COL11A1: variants seen among roughly 807,000 people sequenced by gnomAD.
COL11A1 encodes the protein collagen alpha-1(XI) chain.
COL11A1 carries 74 observed loss-of-function variants against 265.2 expected under a neutral mutation model. The observed-to-expected ratio is 0.28, with a 90% CI of 0.23 to 0.34. The LOEUF is 0.34. Among genes scored for constraint, COL11A1 ranks in the 10% least tolerant of loss-of-function variants. COL11A1 has a pLI of 1.00. For missense variants in COL11A1, 2,165 were observed against 2,263.6 expected, an observed-to-expected ratio of 0.96 and a Z score of 0.88; for synonymous variants, 816 against 727.6, an observed-to-expected ratio of 1.12 and a Z score of -1.96.
chr1:102,940,983 TTC>T (rs1335872275), intron 42 of COL11A1, among the ~76,000 whole-genome samples: 2 of 152,184 alleles, frequency 1.3e-5, no homozygotes, highest in African/African-American at 2.4e-5. Flanking sequence ...TGAACTCAAC[TTC>T]TGTTTCCGAT....
intron 49 of COL11A1, among the ~76,000 whole-genome samples, chr1:102,916,807 T>G (rs1340036499): frequency 6.6e-6 from 1 of 151,428 alleles, no homozygotes; most frequent in African/African-American, 2.4e-5. Flanking sequence ...ACTTCCAGAA[T>G]TTTTGGATAA....
At chr1:103,018,032 G>A (rs1468872855) in intron 10 of COL11A1, 150 bp from the exon 11 acceptor site, 1 of 737,066 alleles carries the variant, frequency 1.4e-6, no homozygotes, top group Non-Finnish European at 2.3e-6. Context: ...CCTGTGAAAA[G>A]ACAACATATA....
At position 103,031,148 on chromosome 1, in the gene COL11A1, C is replaced by G; in HGVS notation, c.748G>C (p.Ala250Pro). ...ATCTGAGGTTCCTGAGCTTGAGCAG[C>G]CTTGGGTGCTGAAGAGTCACAGTCT... is the stretch of plus-strand genomic sequence containing the variant. ...SPDCDSSAPKAAQAQEPQIDE... is the reference protein window; with the variant it reads ...SPDCDSSAPKPAQAQEPQIDE... The change falls in exon 5 of 67, where the codon GCT (alanine) becomes CCT (proline). Residue 250 changes from alanine (A) to proline (P), a missense_variant. By Grantham distance (27) the Ala-to-Pro change is conservative. Coordinates refer to ENST00000370096, the MANE Select transcript of COL11A1 (RefSeq NM_001854.4). The G allele has an allele frequency of 6.2e-7, 1 of 1,613,102 alleles. No homozygotes were observed. The highest frequency in any genetic ancestry group is 1.7e-5 in the Admixed American group (1 of 59,928).
At chr1:102,970,965 G>A (rs1176045267) in intron 36 of COL11A1, among the ~76,000 whole-genome samples, 2 of 151,956 alleles carry the variant, frequency 1.3e-5, no homozygotes, top group African/African-American at 4.8e-5. Context: ...AGTGAGCTGA[G>A]ATGGCGCCAC....
intron 4 of COL11A1, among the ~76,000 whole-genome samples, chr1:103,059,186 A>G (rs1670468815): frequency 6.6e-6 from 1 of 152,180 alleles, no homozygotes; most frequent in African/African-American, 2.4e-5. Flanking sequence ...TTCAGTGTGA[A>G]AGAAAGGAAA....
chr1:103,093,314 G>A (rs1451984892), intron 1 of COL11A1, among the ~76,000 whole-genome samples: 3 of 152,058 alleles, frequency 2.0e-5, no homozygotes, highest in Non-Finnish European at 4.4e-5. Context: ...GATAACAGGA[G>A]AAGCACCTTT....
Position 102,914,804 on chromosome 1 carries a change from T to C in COL11A1, c.3824A>G (p.Lys1275Arg). 3 of 1,597,870 alleles carry C rather than the reference T, an allele frequency of 1.9e-6. No individual in the cohort carries two copies. Among genetic ancestry groups the C allele is most frequent in the African/African-American group, 1.4e-5 (1 of 72,738 alleles). The stretch of plus-strand genomic sequence containing the variant: ...TTCCCCTTTCTCTCCTCTTTCTCCT[T>C]TGGGACCCTAAACAATGTTAAAAAA... Reference protein sequence around the residue: ...PPGEAGVGGPKGERGEKGEAG... With the variant: ...PPGEAGVGGPRGERGEKGEAG... The change falls in exon 51 of 67, where the codon AAA (lysine) becomes AGA (arginine). Residue 1275 changes from lysine to arginine, a missense_variant. By Grantham distance (26) the Lys-to-Arg change is conservative. Coordinates refer to ENST00000370096, the MANE Select transcript of COL11A1 (RefSeq NM_001854.4).
At chr1:102,973,965 C>G (rs1662218048) in intron 36 of COL11A1, among the ~76,000 whole-genome samples, 1 of 152,172 alleles carries the variant, frequency 6.6e-6, no homozygotes, top group Non-Finnish European at 1.5e-5. Context: ...GAGGTTCACA[C>G]ACTTTAACAT....
At chr1:102,887,663 T>C (rs1651171077) in intron 62 of COL11A1, among the ~76,000 whole-genome samples, 1 of 152,128 alleles carries the variant, frequency 6.6e-6, no homozygotes, top group Admixed American at 6.6e-5. Flanking sequence ...CCACAAAAAT[T>C]TGTAATGTTG....
intron 54 of COL11A1, among the ~76,000 whole-genome samples, chr1:102,911,921 C>G (rs1361161755): frequency 6.6e-6 from 1 of 152,170 alleles, no homozygotes; most frequent in Admixed American, 6.5e-5. Context: ...GTTCTAAGCA[C>G]AGAGGAGTGG....
chr1:102,912,776 TAGTG>T (rs1485132938), intron 53 of COL11A1, among the ~76,000 whole-genome samples: 4 of 152,142 alleles, frequency 2.6e-5, no homozygotes, highest in Non-Finnish European at 4.4e-5. Flanking sequence ...GTTCTTGTGA[TAGTG>T]AGTGAGTTCT....
intron 38 of COL11A1, among the ~76,000 whole-genome samples, chr1:102,964,281 A>C (rs535969726): frequency 7.1e-4 from 108 of 152,320 alleles, no homozygotes; most frequent in Middle Eastern, 3.4e-3. Flanking sequence ...TTTCTAGTTA[A>C]ATTTTCTCAC....
chr1:103,094,118 T>C (rs373889954), intron 1 of COL11A1, among the ~76,000 whole-genome samples: 49 of 151,980 alleles, frequency 3.2e-4, no homozygotes, highest in African/African-American at 1.1e-3. Flanking sequence ...AGGAAAGAGA[T>C]TGTGGATATG....
intron 1 of COL11A1, among the ~76,000 whole-genome samples, chr1:103,097,272 C>A (rs1673853804): frequency 6.6e-6 from 1 of 151,902 alleles, no homozygotes; most frequent in Non-Finnish European, 1.5e-5. Flanking sequence ...TGTCCCCCGC[C>A]TTCTTCCCCA....
At chr1:103,030,359 G>T (rs1318627149) in intron 5 of COL11A1, among the ~76,000 whole-genome samples, 3 of 151,862 alleles carry the variant, frequency 2.0e-5, no homozygotes, top group Non-Finnish European at 4.4e-5. Context: ...TGAAAAATCC[G>T]ACCTGAATTC....
At chr1:102,904,700 G>A (rs1213631285) in intron 54 of COL11A1, among the ~76,000 whole-genome samples, 1 of 152,004 alleles carries the variant, frequency 6.6e-6, no homozygotes, top group Non-Finnish European at 1.5e-5. Context: ...AGTTAGAATG[G>A]TGATCATTAA....
intron 5 of COL11A1, among the ~76,000 whole-genome samples, chr1:103,028,956 T>C (rs2101983947): frequency 6.6e-6 from 1 of 152,248 alleles, no homozygotes; most frequent in Admixed American, 6.5e-5. Context: ...AATTTTAATA[T>C]TAGCTTGTCA....
intron 14 of COL11A1, among the ~76,000 whole-genome samples, chr1:103,010,682 T>C (rs1291039612): frequency 1.3e-5 from 2 of 151,962 alleles, no homozygotes; most frequent in African/African-American, 2.4e-5. Flanking sequence ...GTTTTAGATA[T>C]CCTAGGACTG....
chr1:103,020,729 C>G (rs1322008118), intron 9 of COL11A1, among the ~76,000 whole-genome samples: 2 of 113,268 alleles, frequency 1.8e-5, no homozygotes, highest in Non-Finnish European at 3.6e-5. Flanking sequence ...TTAGGTCTAA[C>G]GTTTAAGTCT....
Sources: gnomAD v4.1 joint callset for allele counts (sites outside exome capture counted in the v4.1 genomes callset) on GRCh38, gnomAD v4.1.1 for gene constraint, MANE v1.5 for transcripts, NCBI Gene and HGNC (gene_info 2026-07-23, HGNC 2026-07-21) for gene names.